FLT3LG: variants seen among roughly 807,000 people sequenced by gnomAD.
FLT3LG encodes the protein fms related receptor tyrosine kinase 3 ligand.
Under a neutral mutation model 30.9 loss-of-function variants are expected in FLT3LG, and 8 were observed. The ratio of observed to expected loss-of-function variants is 0.26; its 90% CI spans 0.15 to 0.47. The LOEUF is 0.47. Among genes scored for constraint, FLT3LG ranks in the 20% least tolerant of loss-of-function variants. The probability of loss-of-function intolerance (pLI) is 0.99; values close to 1 mark genes in which losing one functional copy is unlikely to be tolerated. For synonymous variants in FLT3LG, 123 were observed against 135.9 expected (o/e 0.91, Z 0.66); for missense variants, 278 against 306.2 (o/e 0.91, Z 0.69).
Position 49,475,860 on chromosome 19 carries a change from T to A in FLT3LG, c.144+59T>A, listed in dbSNP as rs1001415276. 4.3e-5 allele frequency: 60 copies of A among 1,399,750 alleles called. 1 individual carries two copies. The highest frequency in any genetic ancestry group is 5.0e-5 in the Non-Finnish European group (51 of 1,010,382). The allele number at this position is 1,399,750 out of a possible 1,614,324, so 86.7% of individuals were successfully genotyped here. On this transcript the variant is annotated intron_variant, in intron 3 of 8. Coordinates refer to ENST00000597551, the MANE Select transcript of FLT3LG (RefSeq NM_001459.4). ...TCCCCCTTCCCCCCACTTTTTTTTT[T>A]AAGTAGAGATGGGGTCTCTCTCCCT... is the stretch of plus-strand genomic sequence containing the variant.
At chr19:49,477,657 G>C (rs1156956562) in intron 5 of FLT3LG, among the ~76,000 whole-genome samples, 1 of 151,694 alleles carries the variant, frequency 6.6e-6, no homozygotes, top group Non-Finnish European at 1.5e-5. Context: ...CAGGAGAATT[G>C]CTTGAACCCA....
intron 6 of FLT3LG, 120 bp from the exon 7 acceptor site, chr19:49,480,178 T>G (rs2079552818): frequency 1.5e-6 from 1 of 668,538 alleles, no homozygotes. Flanking sequence ...ATGAGCAAAC[T>G]GAGGCACAGA....
rs2079652918 is a variant in FLT3LG at position 49,482,643 on chromosome 19, T to TC, written c.*21+2025dup. Among the ~76,000 whole-genome samples the TC allele has an allele frequency of 1.4e-5, 2 of 144,474 alleles. 1 individual carries two copies. The highest frequency in any genetic ancestry group is 4.3e-4 in the South Asian group (2 of 4,682). 94.8% of individuals were successfully genotyped at this position (144,474 alleles called of 152,430 possible). A position where few individuals can be genotyped will look rare whatever the true frequency, so the allele number is the denominator to read the frequency against. ...GGTAGCCACATTTTTTTTTTTTTTT[T>TC]CCTGAGATGGAGTCTCACTCTGTCG... On this transcript the variant is annotated intron_variant, in intron 8 of 8. Transcript: ENST00000597551.
In FLT3LG at chr19:49,480,576, G is replaced by T; in HGVS notation, c.685G>T (p.Asp229Tyr). The change falls in exon 8 of 9, where the codon GAC becomes TAC. Residue 229 changes from aspartate to tyrosine, a missense_variant. Around this residue, in one of 3 missense-constraint regions of FLT3LG, gnomAD observed 170 missense variants for 162.0 expected, o/e 1.05. Transcript: ENST00000597551. ...GGTGCCCCCCGTCCCCAGTCCCCAG[G>T]ACCTGCTGCTTGTGGAGCACTGACC... ...EQVPPVPSPQ[D>Y]LLLVEH The T allele has an allele frequency of 1.2e-6, 2 of 1,613,466 alleles. No homozygotes were observed. Among genetic ancestry groups the T allele is most frequent in the Non-Finnish European group, 1.7e-6 (2 of 1,179,788 alleles).
At chr19:49,479,495 TACC>T (rs1439202521) in intron 6 of FLT3LG, among the ~76,000 whole-genome samples, 3 of 133,844 alleles carry the variant, frequency 2.2e-5, no homozygotes. Context: ...GTGCCCAGCC[TACC>T]TTTTTTTTTT....
chr19:49,476,583 G>C lies in FLT3LG; in HGVS notation c.342+17G>C, dbSNP rs1273523263. 2 of 1,613,638 alleles carry C rather than the reference G, an allele frequency of 1.2e-6. No individual in the cohort carries two copies. The highest frequency in any genetic ancestry group is 1.3e-5 in the African/African-American group (1 of 74,922). The stretch of plus-strand genomic sequence containing the variant: ...GCCTTTCAGGTCAGCCCTCAACTTA[G>C]GGGACAAGTGAGGGGAGGGAGATGC... On this transcript the variant is annotated intron_variant, in intron 5 of 8. Transcript: ENST00000597551. The surrounding 1 kb of genome is among the most constrained non-coding windows in gnomAD (Gnocchi z 5.3).
intron 8 of FLT3LG, among the ~76,000 whole-genome samples, chr19:49,482,910 A>G (rs1314345781): frequency 1.3e-5 from 2 of 151,936 alleles, no homozygotes; most frequent in Non-Finnish European, 2.9e-5. Context: ...TACAGGCGTG[A>G]GCCACCGCGC....
chr19:49,478,256 A>G (rs1005587795), intron 5 of FLT3LG, among the ~76,000 whole-genome samples: 2 of 151,770 alleles, frequency 1.3e-5, no homozygotes, highest in African/African-American at 4.8e-5. Flanking sequence ...TCACAAGGTC[A>G]GGAGATCAAG....
chr19:49,481,748 G>C (rs1264930325), intron 8 of FLT3LG: 1 of 152,270 alleles, frequency 6.6e-6, no homozygotes, highest in African/African-American at 2.4e-5. Flanking sequence ...CTGGAGTGCA[G>C]TGGCGGGATC....
chr19:49,474,957 G>A (rs576426972), intron 2 of FLT3LG, among the ~76,000 whole-genome samples: 1 of 132,090 alleles, frequency 7.6e-6, no homozygotes. Flanking sequence ...AGGGGGAGAT[G>A]GACAGAGGAG....
chr19:49,480,717 G>A (rs1285062257), intron 8 of FLT3LG, 97 bp downstream of exon 8: 1 of 1,303,498 alleles, frequency 7.7e-7, no homozygotes, highest in Admixed American at 2.1e-5. Context: ...TGGAGGGGCA[G>A]GGGCAGCTCT....
rs370714874 is a variant in FLT3LG, at chr19:49,475,808, G to C, written c.144+7G>C. ...TGTCAAAATCCGTGAGCTGGTGAGC[G>C]GCGCTGCCCCGGACCCCCTCATGTG... is the stretch of plus-strand genomic sequence containing the variant. On this transcript the variant is annotated splice_region_variant and intron_variant, in intron 3 of 8. Transcript: ENST00000597551. 6.2e-7 allele frequency: 1 copy of C among 1,611,620 alleles called. No individual in the cohort carries two copies. The highest frequency in any genetic ancestry group is 1.3e-5 in the African/African-American group (1 of 74,940).
At position 49,476,405 on chromosome 19, in the gene FLT3LG, G is replaced by A. The variant is rs199678868; in HGVS notation, c.199-18G>A. On this transcript the variant is annotated intron_variant, in intron 4 of 8. Transcript: ENST00000597551. The surrounding 1 kb of genome is among the most constrained non-coding windows in gnomAD (Gnocchi z 5.3). ...CGTGCCCAGCTCCTCCCTCAGACCCGTGGGTTCTCCCCTCTAGGAGGAGCT... is the reference window on the plus strand; with the variant it reads ...CGTGCCCAGCTCCTCCCTCAGACCCATGGGTTCTCCCCTCTAGGAGGAGCT... 41 of 1,606,432 alleles carry A rather than the reference G, an allele frequency of 2.6e-5. No homozygotes were observed. Among genetic ancestry groups the A allele is most frequent in the African/African-American group, 1.5e-4 (11 of 74,782 alleles).
chr19:49,480,739 G>A, intron 8 of FLT3LG, 119 bp downstream of exon 8: 2 of 1,109,774 alleles, frequency 1.8e-6, no homozygotes, highest in Middle Eastern at 2.9e-4. Context: ...GGTGCAGAAA[G>A]ACCCCTCTGG....
intron 8 of FLT3LG, chr19:49,482,030 G>A (rs1188472466): frequency 1.3e-5 from 2 of 151,952 alleles, no homozygotes; most frequent in East Asian, 3.9e-4. Flanking sequence ...ACTTCCTTGA[G>A]AAGTTCGTGC....
chr19:49,479,668 ATTT>A, intron 6 of FLT3LG: 4 of 192,256 alleles, frequency 2.1e-5, no homozygotes, highest in South Asian at 1.5e-4. Context: ...CACGCGGCTA[ATTT>A]TTTTTTTTGT....
In FLT3LG at chr19:49,478,971, C is replaced by T. The variant is rs749301992; in HGVS notation, c.405C>T (p.Ser135=). 1.9e-5 allele frequency: 30 copies of T among 1,593,218 alleles called. No homozygotes were observed. Among genetic ancestry groups the T allele is most frequent in the African/African-American group, 2.7e-5 (2 of 74,286 alleles). ...TNISRLLQET[S]EQLVALKPWI... ...TCTCCCGCCTCCTGCAGGAGACCTCCGAGCAGCTGGTGGCGCTGAAGCCCT... is the reference window on the plus strand; with the variant it reads ...TCTCCCGCCTCCTGCAGGAGACCTCTGAGCAGCTGGTGGCGCTGAAGCCCT... Residue 135 remains serine, a synonymous_variant, in exon 6 of 9, where the codon TCC becomes TCT. Coordinates refer to ENST00000597551, the MANE Select transcript of FLT3LG (RefSeq NM_001459.4).
At position 49,480,554 on chromosome 19, in the gene FLT3LG, GC is replaced by G; in HGVS notation, c.669del (p.Val224SerfsTer24). On this transcript the variant is annotated frameshift_variant, in exon 8 of 9. Coordinates refer to ENST00000597551, the MANE Select transcript of FLT3LG (RefSeq NM_001459.4). LOFTEE classifies it high-confidence loss of function. ...GGCTGACACTTTGGGGCCCACAGGTGCCCCCCGTCCCCAGTCCCCAGGACCT... is the reference window on the plus strand; with the variant it reads ...GGCTGACACTTTGGGGCCCACAGGTGCCCCCGTCCCCAGTCCCCAGGACCT... ...RRTPRPGEQV[P>X]PVPSPQDLLL... is the part of the protein sequence containing the mutation. 6.2e-7 allele frequency: 1 copy of G among 1,612,824 alleles called. No homozygotes were observed. Among genetic ancestry groups the G allele is most frequent in the Non-Finnish European group, 8.5e-7 (1 of 1,179,578 alleles).
rs753908007 is a variant in FLT3LG at position 49,480,415 on chromosome 19, C to CTG, written c.599_600insTG (p.Ala202LeufsTer47). 2 of 1,605,896 alleles carry CTG rather than the reference C, an allele frequency of 1.2e-6. No homozygotes were observed. Among genetic ancestry groups the CTG allele is most frequent in the Non-Finnish European group, 1.7e-6 (2 of 1,176,682 alleles). On this transcript the variant is annotated frameshift_variant, in exon 7 of 9. Transcript: ENST00000597551. LOFTEE classifies it high-confidence loss of function. Reference sequence around the variant, plus strand: ...CTGCCCGTGGGCCTCCTGCTGCTGGCCGCTGCCTGGTGCCTGCACTGGCAG... The same window carrying CTG: ...CTGCCCGTGGGCCTCCTGCTGCTGGCTGCGCTGCCTGGTGCCTGCACTGGCAG...
Sources: allele counts gnomAD v4.1 joint callset (sites outside exome capture counted in the v4.1 genomes callset), GRCh38; gene constraint gnomAD v4.1.1; regional missense constraint gnomAD v4.1.1; non-coding constraint Gnocchi (gnomAD v3.1); transcripts MANE v1.5; gene names NCBI Gene and HGNC (gene_info 2026-07-23, HGNC 2026-07-21).